Variants in MXD4 observed in about 807,000 individuals in gnomAD.
The protein encoded by MXD4 is Mad4 homolog.
MXD4 carries 16 observed loss-of-function variants against 24.5 expected under a neutral mutation model. That is an observed-to-expected ratio of 0.65 (90% CI 0.44 to 0.99). MXD4 has a LOEUF of 0.99. Among genes scored for constraint, MXD4 ranks in the 50% least tolerant of loss-of-function variants. The pLI, the probability that MXD4 is intolerant of heterozygous loss-of-function variation, is 0.00. For missense variants in MXD4, 301 were observed against 301.5 expected (o/e 1.00, Z 0.01); for synonymous variants, 164 against 134.2 (o/e 1.22, Z -1.54).
chr4:2,252,543 A>C, intron 3 of MXD4, 21 bp from the exon 4 acceptor site: 3 of 1,577,916 alleles, frequency 1.9e-6, no homozygotes, highest in Non-Finnish European at 2.6e-6. Flanking sequence ...CAGAGACAGA[A>C]CCATCAGGCT....
intron 2 of MXD4, chr4:2,258,842 G>A (rs971923705): frequency 2.0e-5 from 9 of 451,834 alleles, no homozygotes; most frequent in South Asian, 3.1e-5. Context: ...CTGGAGGCCC[G>A]GGCTCAGCTT....
intron 3 of MXD4, chr4:2,254,885 A>T (rs1318446233): frequency 5.9e-6 from 1 of 170,050 alleles, no homozygotes; most frequent in Non-Finnish European, 1.3e-5. Flanking sequence ...GGGAGAGCAA[A>T]AGGGGACACA....
chr4:2,260,243 G>A (rs1390575843), intron 2 of MXD4, among the ~76,000 whole-genome samples: 2 of 152,226 alleles, frequency 1.3e-5, no homozygotes, highest in African/African-American at 2.4e-5. Context: ...GCAGAATGTG[G>A]ACAGCTGGGA....
intron 3 of MXD4, among the ~76,000 whole-genome samples, chr4:2,256,820 G>A (rs944255653): frequency 1.3e-5 from 2 of 151,168 alleles, no homozygotes; most frequent in African/African-American, 4.9e-5. Flanking sequence ...CAATGTCACT[G>A]CCCCTTAATC....
intron 2 of MXD4, among the ~76,000 whole-genome samples, 156 bp downstream of exon 2, chr4:2,261,569 C>T (rs1028510045): frequency 1.3e-4 from 19 of 146,150 alleles, no homozygotes; most frequent in Non-Finnish European, 1.8e-4. Context: ...GGGGCTGCGG[C>T]CGCGGCCTGC....
chr4:2,257,114 C>G (rs1264656220), intron 3 of MXD4, among the ~76,000 whole-genome samples: 1 of 152,214 alleles, frequency 6.6e-6, no homozygotes, highest in African/African-American at 2.4e-5. Context: ...AGCCAGCGGC[C>G]TGAATCCCGG....
intron 3 of MXD4, chr4:2,255,169 G>A (rs1735401643): frequency 2.6e-6 from 1 of 390,094 alleles, no homozygotes; most frequent in South Asian, 1.9e-5. Flanking sequence ...GTGGTGTCGG[G>A]TGAAAGATCA....
chr4:2,257,859 G>T, intron 3 of MXD4, 123 bp downstream of exon 3: 2 of 1,298,802 alleles, frequency 1.5e-6, no homozygotes, highest in Non-Finnish European at 2.2e-6. Context: ...CCCAAGACAA[G>T]GACACAGCCT....
In MXD4 at chr4:2,258,236, C is replaced by T. The variant is rs1359794964; in HGVS notation, c.165-225G>A. On this transcript the variant is annotated intron_variant, in intron 2 of 5. Transcript: ENST00000337190. The stretch of plus-strand genomic sequence containing the variant: ...CGCTGGTTGTCAGCTTTGGGTACTC[C>T]GTGCCGGGGGAGCCGCAGCTCACGC... Among the ~76,000 whole-genome samples, 2 of 152,160 alleles carry T rather than the reference C, an allele frequency of 1.3e-5. 1 individual carries two copies. The highest frequency in any genetic ancestry group is 4.1e-4 in the South Asian group (2 of 4,836).
intron 3 of MXD4, 138 bp downstream of exon 3, chr4:2,257,844 C>T (rs1463274534): frequency 3.5e-6 from 4 of 1,152,424 alleles, no homozygotes; most frequent in Non-Finnish European, 5.0e-6. Context: ...CCAAGTCTGA[C>T]CATTCCCAAG....
chr4:2,250,979 G>A, intron 5 of MXD4, 105 bp downstream of exon 5: 2 of 1,346,312 alleles, frequency 1.5e-6, no homozygotes, highest in Admixed American at 5.6e-5. Flanking sequence ...GGAGCTGGGA[G>A]GGTTCTCCCC....
At position 2,252,316 on chromosome 4, in the gene MXD4, G is replaced by C. The variant is rs1418218278; in HGVS notation, c.309+92C>G. 2.9e-6 allele frequency: 3 copies of C among 1,037,676 alleles called. No individual in the cohort carries two copies. In the South Asian group the frequency reaches 3.9e-5, roughly 14 times the overall value. The allele number at this position is 1,037,676 out of a possible 1,614,324, so 64.3% of individuals were successfully genotyped here. A position where few individuals can be genotyped will look rare whatever the true frequency, so the allele number is the denominator to read the frequency against. On this transcript the variant is annotated intron_variant, in intron 4 of 5. Transcript: ENST00000337190. The stretch of plus-strand genomic sequence containing the variant: ...CATCTTCAGGCCCTCTGATCCAAGG[G>C]CTGCCCAGGGTCACCTGTGAGCACC...
chr4:2,250,808 G>A (rs1400410127), intron 5 of MXD4, 107 bp from the exon 6 acceptor site: 3 of 1,386,020 alleles, frequency 2.2e-6, no homozygotes, highest in African/African-American at 1.5e-5. Flanking sequence ...AAGTGCGGAG[G>A]GCGCTGTCTG....
rs116212694 is a variant in MXD4 at position 2,257,692 on chromosome 4, G to A, written c.194+290C>T. 3.9e-3 allele frequency among the ~76,000 whole-genome samples: 598 copies of A among 152,324 alleles called. 4 individuals are homozygous for A. The highest frequency in any genetic ancestry group is 0.014 in the African/African-American group (562 of 41,576). On this transcript the variant is annotated intron_variant, in intron 3 of 5. Coordinates refer to ENST00000337190, the MANE Select transcript of MXD4 (RefSeq NM_006454.3). ...GAGACCACTGTCCTGAAAGCCAAGG[G>A]CCCTGACTGTCACACAGCACAAGGG...
At chr4:2,260,009 G>A (rs1167596557) in intron 2 of MXD4, among the ~76,000 whole-genome samples, 1 of 152,236 alleles carries the variant, frequency 6.6e-6, no homozygotes, top group Non-Finnish European at 1.5e-5. Context: ...CAAGTCAGGG[G>A]CTCAGAGATC....
intron 2 of MXD4, 92 bp downstream of exon 2, chr4:2,261,633 C>A (rs1216935128): frequency 1.4e-6 from 1 of 737,138 alleles, no homozygotes; most frequent in Non-Finnish European, 1.7e-6. Flanking sequence ...CGCTGAGGGC[C>A]GCGGGCCGGG....
At chr4:2,261,251 G>A (rs1478955101) in intron 2 of MXD4, among the ~76,000 whole-genome samples, 1 of 152,046 alleles carries the variant, frequency 6.6e-6, no homozygotes, top group East Asian at 1.9e-4. Context: ...AGGTGGCCGA[G>A]CAGCAGAGTT....
intron 3 of MXD4, chr4:2,255,102 T>A (rs1429398816): frequency 2.7e-6 from 1 of 364,396 alleles, no homozygotes; most frequent in African/African-American, 2.1e-5. Context: ...TGTGCAGTCA[T>A]CAGGGATGAG....
intron 2 of MXD4, 28 bp downstream of exon 2, chr4:2,261,697 G>T: frequency 7.7e-7 from 1 of 1,294,248 alleles, no homozygotes; most frequent in South Asian, 1.7e-5. Flanking sequence ...GGACCGGGCC[G>T]GGCGGGGTCG....
Sources: allele counts gnomAD v4.1 joint callset (sites outside exome capture counted in the v4.1 genomes callset), GRCh38; gene constraint gnomAD v4.1.1; transcripts MANE v1.5; gene names NCBI Gene and HGNC (gene_info 2026-07-23, HGNC 2026-07-21).